The following PIP5K1A variants were observed in gnomAD, a reference collection of about 807,000 sequenced individuals.
The protein encoded by PIP5K1A is phosphatidylinositol-4-phosphate 5-kinase type 1 alpha.
Under a neutral mutation model 72.9 loss-of-function variants are expected in PIP5K1A, and 46 were observed. That is an observed-to-expected ratio of 0.63 (90% CI 0.50 to 0.81). The LOEUF is 0.81. PIP5K1A is among the 30% of genes least tolerant of loss of function. The pLI, the probability that PIP5K1A is intolerant of heterozygous loss-of-function variation, is 0.00. For synonymous variants in PIP5K1A, 228 were observed against 255.1 expected, an observed-to-expected ratio of 0.89 and a Z score of 1.01; for missense variants, 458 against 706.1, an observed-to-expected ratio of 0.65 and a Z score of 3.98.
chr1:151,216,935 CGGA>C (rs1558255490), intron 1 of PIP5K1A, among the ~76,000 whole-genome samples: 3 of 142,988 alleles, frequency 2.1e-5, no homozygotes, highest in Admixed American at 1.5e-4. Context: ...TTTTTTGAGA[CGGA>C]GTCTCGCTCT....
rs984503203 is a variant in PIP5K1A, at chr1:151,198,934, C to T, written c.-63C>T. 32 of 1,481,574 alleles carry T rather than the reference C, an allele frequency of 2.2e-5. No individual in the cohort carries two copies. Among genetic ancestry groups the T allele is most frequent in the Middle Eastern group, 1.9e-4 (1 of 5,268 alleles). 91.8% of individuals were successfully genotyped at this position (1,481,574 alleles called of 1,614,324 possible). On this transcript the variant is annotated 5_prime_UTR_variant, in exon 1 of 16. Transcript: ENST00000368888. ...AAAGAGACGTTGGGAAGATTCGATT[C>T]CGAGAAGAGGAAGAACCGGATTGAA...
At chr1:151,213,310 G>T (rs587740506) in intron 1 of PIP5K1A, among the ~76,000 whole-genome samples, 6 of 152,180 alleles carry the variant, frequency 3.9e-5, no homozygotes, top group South Asian at 2.1e-4. Flanking sequence ...AAATTGACTG[G>T]GTTGTTTTCA....
chr1:151,195,505 G>T (rs1684536567), upstream of PIP5K1A, among the ~76,000 whole-genome samples: 1 of 152,162 alleles, frequency 6.6e-6, no homozygotes, highest in Non-Finnish European at 1.5e-5. Flanking sequence ...CCCAGGTACT[G>T]AGTGGGAGTG....
At chr1:151,223,463 G>C (rs1467769180) in intron 1 of PIP5K1A, among the ~76,000 whole-genome samples, 1 of 150,892 alleles carries the variant, frequency 6.6e-6, no homozygotes, top group Non-Finnish European at 1.5e-5. Flanking sequence ...GGCTAACACG[G>C]TGAAACCCTG....
At chr1:151,202,460 A>G (rs936219252) in intron 1 of PIP5K1A, among the ~76,000 whole-genome samples, 1 of 152,084 alleles carries the variant, frequency 6.6e-6, no homozygotes, top group Non-Finnish European at 1.5e-5. Context: ...CTCTCTTCCA[A>G]TCGCAAATAA....
intron 11 of PIP5K1A, 98 bp downstream of exon 11, chr1:151,239,276 CTT>C (rs587607391): frequency 0.024 from 13,631 of 579,762 alleles, no homozygotes; most frequent in South Asian, 0.037. Context: ...TTTCTTTTTT[CTT>C]TTTTTTTTTT....
intron 3 of PIP5K1A, among the ~76,000 whole-genome samples, chr1:151,225,223 T>C (rs1168806274): frequency 6.6e-6 from 1 of 152,050 alleles, no homozygotes; most frequent in East Asian, 1.9e-4. Flanking sequence ...CTACTCGGGA[T>C]TGCTTGAGCC....
intron 8 of PIP5K1A, among the ~76,000 whole-genome samples, chr1:151,236,335 G>T (rs1429470511): frequency 6.6e-6 from 1 of 151,754 alleles, no homozygotes; most frequent in Non-Finnish European, 1.5e-5. Flanking sequence ...AATTAGGCAG[G>T]TGTAGTGGTG....
intron 3 of PIP5K1A, among the ~76,000 whole-genome samples, chr1:151,226,017 G>C (rs1387259941): frequency 6.6e-6 from 1 of 151,374 alleles, no homozygotes. Flanking sequence ...AGGCTCAAGT[G>C]ATCTTCCCCA....
intron 11 of PIP5K1A, among the ~76,000 whole-genome samples, chr1:151,239,647 C>G (rs1691397763): frequency 6.6e-6 from 1 of 152,168 alleles, no homozygotes; most frequent in Non-Finnish European, 1.5e-5. Context: ...CATGCCTCAG[C>G]CTCCCATGTA....
At chr1:151,217,684 C>T (rs1434502491) in intron 1 of PIP5K1A, among the ~76,000 whole-genome samples, 1 of 152,178 alleles carries the variant, frequency 6.6e-6, no homozygotes, top group Non-Finnish European at 1.5e-5. Flanking sequence ...CAGGCCCAGG[C>T]CATCTTCCCA....
intron 1 of PIP5K1A, 163 bp from the exon 2 acceptor site, chr1:151,224,082 A>G: frequency 3.0e-6 from 2 of 665,324 alleles, no homozygotes; most frequent in Non-Finnish European, 5.4e-6. Context: ...AGAAGGAGAG[A>G]GGGACATACA....
intron 1 of PIP5K1A, among the ~76,000 whole-genome samples, chr1:151,214,280 G>A (rs587767491): frequency 6.6e-6 from 1 of 152,074 alleles, no homozygotes; most frequent in Non-Finnish European, 1.5e-5. Context: ...ATACATCTTT[G>A]TTTGCTTCAC....
At chr1:151,236,785 A>T (rs758990332) in intron 9 of PIP5K1A, 22 bp downstream of exon 9, 7 of 1,270,408 alleles carry the variant, frequency 5.5e-6, no homozygotes, top group East Asian at 2.5e-5. Flanking sequence ...CAGGGCCACT[A>T]GGGGGGAGAA....
intron 8 of PIP5K1A, 71 bp from the exon 9 acceptor site, chr1:151,236,483 CAAAA>C (rs1006036555): frequency 1.7e-6 from 2 of 1,191,080 alleles, no homozygotes; most frequent in African/African-American, 3.1e-5. Context: ...CTCAAAAAAA[CAAAA>C]AAATTGTGAG....
At chr1:151,214,392 T>C (rs953547016) in intron 1 of PIP5K1A, among the ~76,000 whole-genome samples, 1 of 151,990 alleles carries the variant, frequency 6.6e-6, no homozygotes. Flanking sequence ...GTTTTTGTTT[T>C]TGTTTTGAGA....
chr1:151,213,150 A>G (rs993989342), intron 1 of PIP5K1A, among the ~76,000 whole-genome samples: 8 of 152,080 alleles, frequency 5.3e-5, no homozygotes, highest in Non-Finnish European at 2.9e-5. Flanking sequence ...TGGCCTCCCA[A>G]AGTGCTGGGA....
chr1:151,232,338 A>T lies in PIP5K1A; in HGVS notation c.459A>T (p.Leu153=), dbSNP rs1194515615. 3 of 1,613,686 alleles carry T rather than the reference A, an allele frequency of 1.9e-6. No homozygotes were observed. The highest frequency in any genetic ancestry group is 2.5e-6 in the Non-Finnish European group (3 of 1,179,708). ...APVAFRYFRE[L]FGIRPDDYLY... ...TTGCCTTCCGCTACTTCCGGGAGCT[A>T]TTTGGTATCCGGCCCGATGATTACT... The change falls in exon 6 of 16, where the codon CTA becomes CTT. Residue 153 remains leucine, a synonymous_variant. Coordinates refer to ENST00000368888, the MANE Select transcript of PIP5K1A (RefSeq NM_001135638.2).
chr1:151,196,064 A>C (rs890362755), upstream of PIP5K1A, among the ~76,000 whole-genome samples: 2 of 151,076 alleles, frequency 1.3e-5, no homozygotes, highest in African/African-American at 4.9e-5. Context: ...CACCCGGCTA[A>C]TTTTTTGTAT....
Sources: allele counts gnomAD v4.1 joint callset (sites outside exome capture counted in the v4.1 genomes callset), GRCh38; gene constraint gnomAD v4.1.1; transcripts MANE v1.5; gene names NCBI Gene and HGNC (gene_info 2026-07-23, HGNC 2026-07-21).